Variants in SORCS2 observed in about 807,000 individuals in gnomAD.
The protein encoded by SORCS2 is VPS10 domain-containing receptor SorCS2.
Under a neutral mutation model 141.6 loss-of-function variants are expected in SORCS2, and 100 were observed. That is an observed-to-expected ratio of 0.71 (90% CI 0.60 to 0.83). The LOEUF is 0.83. SORCS2 is among the 40% of genes least tolerant of loss of function. The probability of loss-of-function intolerance (pLI) is 0.00; values close to 1 mark genes in which losing one functional copy is unlikely to be tolerated. For missense variants in SORCS2, 1,646 were observed against 1,560.2 expected (o/e 1.05, Z -0.93); for synonymous variants, 789 against 676.9 (o/e 1.17, Z -2.57).
At chr4:7,471,768 T>A (rs1729992621) in intron 2 of SORCS2, among the ~76,000 whole-genome samples, 1 of 152,236 alleles carries the variant, frequency 6.6e-6, no homozygotes, top group Non-Finnish European at 1.5e-5. Flanking sequence ...TCTCTGGGCC[T>A]GGAAGCCCAC....
At chr4:7,195,535 C>T (rs1356747924) in intron 1 of SORCS2, among the ~76,000 whole-genome samples, 2 of 152,172 alleles carry the variant, frequency 1.3e-5, no homozygotes, top group Non-Finnish European at 1.5e-5. Context: ...TCCTGAACCT[C>T]AGGGAGCAGG....
chr4:7,543,821 T>TCC (rs1560373462), intron 3 of SORCS2, among the ~76,000 whole-genome samples: 5 of 4,292 alleles, frequency 1.2e-3, no homozygotes, highest in Admixed American at 3.3e-3. Flanking sequence ...TCCATCCATC[T>TCC]ACCCATCTGT....
intron 3 of SORCS2, among the ~76,000 whole-genome samples, chr4:7,594,810 T>C (rs4689792): frequency 0.9 from 136,474 of 152,190 alleles, 61,529 homozygotes; most frequent in Non-Finnish European, 0.95. Context: ...AGGGTCACAG[T>C]CTCGGTGTGC....
intron 2 of SORCS2, chr4:7,432,907 T>G (rs1462458393): frequency 6.2e-6 from 1 of 161,170 alleles, no homozygotes; most frequent in African/African-American, 2.4e-5. Flanking sequence ...CCTCGAAGCC[T>G]CCGTCCACCC....
chr4:7,428,677 G>C (rs558216218), intron 2 of SORCS2, among the ~76,000 whole-genome samples: 11 of 152,320 alleles, frequency 7.2e-5, no homozygotes, highest in African/African-American at 1.7e-4. Flanking sequence ...CCTGGGGTGT[G>C]TGCAAGGCCA....
At chr4:7,599,543 T>A (rs1717517191) in intron 3 of SORCS2, among the ~76,000 whole-genome samples, 1 of 152,236 alleles carries the variant, frequency 6.6e-6, no homozygotes, top group Non-Finnish European at 1.5e-5. Flanking sequence ...AGCCAGCTCC[T>A]GACACCACGA....
intron 2 of SORCS2, among the ~76,000 whole-genome samples, chr4:7,421,459 G>T (rs931535302): frequency 3.9e-5 from 6 of 152,196 alleles, no homozygotes; most frequent in African/African-American, 9.7e-5. Context: ...GAGTTGCTGG[G>T]TTGCGGGGTC....
intron 8 of SORCS2, among the ~76,000 whole-genome samples, chr4:7,672,339 C>A (rs1344600642): frequency 6.6e-6 from 1 of 152,142 alleles, no homozygotes; most frequent in Non-Finnish European, 1.5e-5. Context: ...CAACAGATGT[C>A]TCATCAGGAA....
chr4:7,213,036 C>T (rs1424008953), intron 1 of SORCS2, among the ~76,000 whole-genome samples: 1 of 152,276 alleles, frequency 6.6e-6, no homozygotes, highest in Admixed American at 6.5e-5. Flanking sequence ...GTGACTTCTA[C>T]TGGAAAAGGT....
chr4:7,548,380 T>C (rs1713430005), intron 3 of SORCS2, among the ~76,000 whole-genome samples: 1 of 152,094 alleles, frequency 6.6e-6, no homozygotes, highest in African/African-American at 2.4e-5. Flanking sequence ...TGGTGCAAGG[T>C]GGGGTCCTTC....
intron 1 of SORCS2, among the ~76,000 whole-genome samples, chr4:7,232,972 G>C (rs1712007894): frequency 6.6e-6 from 1 of 152,192 alleles, no homozygotes; most frequent in African/African-American, 2.4e-5. Context: ...GTCAGTGATG[G>C]GCGCAGTGTA....
At chr4:7,462,673 C>T (rs971827495) in intron 2 of SORCS2, among the ~76,000 whole-genome samples, 3 of 151,750 alleles carry the variant, frequency 2.0e-5, no homozygotes, top group African/African-American at 7.3e-5. Flanking sequence ...TCCTGGCGAC[C>T]TCAGTCCCTG....
chr4:7,481,268 A>AAG (rs1482670386), intron 2 of SORCS2, among the ~76,000 whole-genome samples: 1 of 152,192 alleles, frequency 6.6e-6, no homozygotes, highest in African/African-American at 2.4e-5. Flanking sequence ...TGAATAGTCC[A>AAG]CTCATTGTGC....
chr4:7,627,216 C>T (rs1719567634), intron 3 of SORCS2, among the ~76,000 whole-genome samples: 1 of 152,180 alleles, frequency 6.6e-6, no homozygotes, highest in Non-Finnish European at 1.5e-5. Context: ...AACTCCTGGA[C>T]TCAAGCGATT....
chr4:7,380,287 G>C (rs764404263), intron 1 of SORCS2, among the ~76,000 whole-genome samples: 6 of 151,934 alleles, frequency 3.9e-5, no homozygotes, highest in Non-Finnish European at 7.3e-5. Flanking sequence ...CTTTAAACAA[G>C]TAACATTCAC....
At chr4:7,735,221 C>T (rs889296319) in intron 25 of SORCS2, among the ~76,000 whole-genome samples, 1 of 152,246 alleles carries the variant, frequency 6.6e-6, no homozygotes, top group East Asian at 1.9e-4. Flanking sequence ...GTCTCCCCAT[C>T]GGGGTCACCC....
chr4:7,442,558 G>T (rs1464008296), intron 2 of SORCS2, among the ~76,000 whole-genome samples: 25 of 82,498 alleles, frequency 3.0e-4, no homozygotes, highest in Non-Finnish European at 5.2e-4. Flanking sequence ...CCCTCTCCCA[G>T]CCCAGGTCGT....
At chr4:7,723,653 C>T (rs371280118) in intron 18 of SORCS2, 44 bp from the exon 19 acceptor site, 17 of 1,603,282 alleles carry the variant, frequency 1.1e-5, no homozygotes, top group Non-Finnish European at 1.4e-5. Context: ...GGCCCCTCAG[C>T]TTCAAGGCCC....
intron 1 of SORCS2, among the ~76,000 whole-genome samples, chr4:7,324,024 G>A (rs964016846): frequency 6.6e-6 from 1 of 152,186 alleles, no homozygotes; most frequent in Admixed American, 6.5e-5. Context: ...ATCCTTACGC[G>A]ATGGGTCTCT....
Sources: gnomAD v4.1 joint callset for allele counts (sites outside exome capture counted in the v4.1 genomes callset) on GRCh38, gnomAD v4.1.1 for gene constraint, MANE v1.5 for transcripts, NCBI Gene and HGNC (gene_info 2026-07-23, HGNC 2026-07-21) for gene names.